The following GPC5 variants were observed in gnomAD, a reference collection of about 807,000 sequenced individuals.
GPC5 encodes glypican 5.
A neutral mutation model predicts 53.9 loss-of-function variants in GPC5; 47 were observed. The ratio of observed to expected loss-of-function variants is 0.87; its 90% CI spans 0.69 to 1.11. GPC5 has a LOEUF of 1.11. Among genes scored for constraint, GPC5 ranks in the 50% most tolerant of loss-of-function variants. The probability of loss-of-function intolerance (pLI) is 0.00; values close to 1 mark genes in which losing one functional copy is unlikely to be tolerated. For synonymous variants in GPC5, 286 were observed against 263.3 expected, an observed-to-expected ratio of 1.09 and a Z score of -0.84; for missense variants, 748 against 713.1, an observed-to-expected ratio of 1.05 and a Z score of -0.56.
At chr13:92,660,218 T>C (rs1349059773) in intron 7 of GPC5, among the ~76,000 whole-genome samples, 2 of 152,220 alleles carry the variant, frequency 1.3e-5, no homozygotes, top group African/African-American at 2.4e-5. Flanking sequence ...GTTTATGTTC[T>C]TGAGTCACGT....
Position 92,125,916 on chromosome 13 carries a change from GTTTTTTGGTTTTTTTTTTTT to G in GPC5, c.1402-18907_1402-18888del, listed in dbSNP as rs2041690807. On this transcript the variant is annotated intron_variant, in intron 6 of 7. Coordinates refer to ENST00000377067, the MANE Select transcript of GPC5 (RefSeq NM_004466.6). ...GATTAGCATTAGAAAGGAAACATTT[GTTTTTTGGTTTTTTTTTTTT>G]TTTTTTTTTTTTTTTTTTTTTTTTT... Among the ~76,000 whole-genome samples, 5 of 31,298 alleles carry G rather than the reference GTTTTTTGGTTTTTTTTTTTT, an allele frequency of 1.6e-4. No individual in the cohort carries two copies. The South Asian group carries it at 7.4e-3, about 46-fold the overall frequency. The allele number at this position is 31,298 out of a possible 152,430, so 20.5% of individuals were successfully genotyped here. A position where few individuals can be genotyped will look rare whatever the true frequency, so the allele number is the denominator to read the frequency against.
intron 7 of GPC5, among the ~76,000 whole-genome samples, chr13:92,275,746 G>C (rs532144612): frequency 4.6e-5 from 7 of 151,942 alleles, no homozygotes; most frequent in African/African-American, 1.7e-4. Flanking sequence ...AGTATTTCTG[G>C]GGCATGTATC....
chr13:92,275,746 G>T (rs532144612), intron 7 of GPC5, among the ~76,000 whole-genome samples: 2 of 152,060 alleles, frequency 1.3e-5, no homozygotes, highest in African/African-American at 4.8e-5. Context: ...AGTATTTCTG[G>T]GGCATGTATC....
rs533584848 is a variant in GPC5, at chr13:92,335,449, G to A, written c.1561+190460G>A. ...TAGGACTATGGTGGAAGGGGCTTCC[G>A]TGAAGGCCTCTGACATGGCCTGCAG... On this transcript the variant is annotated intron_variant, in intron 7 of 7. Coordinates refer to ENST00000377067, the MANE Select transcript of GPC5 (RefSeq NM_004466.6). 9.9e-5 allele frequency among the ~76,000 whole-genome samples: 15 copies of A among 152,240 alleles called. No homozygotes were observed. The South Asian group carries it at 2.1e-3, about 21-fold the overall frequency.
chr13:91,768,225 C>T (rs2037559978), intron 5 of GPC5, among the ~76,000 whole-genome samples: 1 of 152,086 alleles, frequency 6.6e-6, no homozygotes, highest in Admixed American at 6.6e-5. Flanking sequence ...ACAGTGTAGT[C>T]TAATTGAATT....
chr13:92,008,106 A>G (rs1594720620), intron 6 of GPC5, among the ~76,000 whole-genome samples: 2 of 132,096 alleles, frequency 1.5e-5, no homozygotes, highest in South Asian at 4.9e-4. Context: ...TCTGTCGCCC[A>G]GGCTGGAGTG....
At chr13:92,539,652 T>C (rs4528437) in intron 7 of GPC5, among the ~76,000 whole-genome samples, 103,250 of 151,678 alleles carry the variant, frequency 0.68, 36,268 homozygotes, top group African/African-American at 0.82. Flanking sequence ...TTTTTCTTTC[T>C]GTCTCTCTTT....
intron 5 of GPC5, among the ~76,000 whole-genome samples, chr13:91,845,878 A>G (rs2138880776): frequency 1.3e-5 from 2 of 152,264 alleles, no homozygotes; most frequent in South Asian, 4.1e-4. Context: ...TGTTTAAATT[A>G]CCTAAGCTTT....
intron 7 of GPC5, among the ~76,000 whole-genome samples, chr13:92,404,050 C>A (rs1039309777): frequency 1.3e-5 from 2 of 152,072 alleles, no homozygotes; most frequent in East Asian, 3.9e-4. Flanking sequence ...ATTCATTTAA[C>A]TGCATTATGA....
rs756991266 is a variant in GPC5 at position 91,854,766 on chromosome 13, A to T, written c.1281-53171A>T. ...CACTTTTAAAACACTTATTTTTATA[A>T]AACATTTTTGTAAAATGTTTATATT... On this transcript the variant is annotated intron_variant, in intron 5 of 7. Coordinates refer to ENST00000377067, the MANE Select transcript of GPC5 (RefSeq NM_004466.6). Among the ~76,000 whole-genome samples, 4 of 151,854 alleles carry T rather than the reference A, an allele frequency of 2.6e-5. No individual in the cohort carries two copies. In the East Asian group the frequency reaches 7.7e-4, roughly 29 times the overall value.
intron 6 of GPC5, among the ~76,000 whole-genome samples, chr13:92,131,674 G>C (rs2041744660): frequency 6.6e-6 from 1 of 151,890 alleles, no homozygotes; most frequent in Non-Finnish European, 1.5e-5. Flanking sequence ...GTCAGTATAG[G>C]AGTTACCTTT....
At chr13:92,315,043 C>A (rs765901545) in intron 7 of GPC5, among the ~76,000 whole-genome samples, 1 of 152,120 alleles carries the variant, frequency 6.6e-6, no homozygotes, top group Non-Finnish European at 1.5e-5. Flanking sequence ...TCTCAAAGTG[C>A]TGGGATTACA....
chr13:92,483,451 A>G (rs970663496), intron 7 of GPC5, among the ~76,000 whole-genome samples: 1 of 152,200 alleles, frequency 6.6e-6, no homozygotes, highest in African/African-American at 2.4e-5. Context: ...TGTAAAAGAT[A>G]AAAAATAGTA....
chr13:91,693,695 G>A lies in GPC5; in HGVS notation c.834G>A (p.Met278Ile). 2 of 1,614,168 alleles carry A rather than the reference G, an allele frequency of 1.2e-6. No homozygotes were observed. The highest frequency in any genetic ancestry group is 2.2e-5 in the South Asian group (2 of 91,084). ...GTATGGGATACTGCCTCAATGTCAT[G>A]CGAGGCTGCCTGGCGCACATGGCGG... ...KPCMGYCLNV[M>I]RGCLAHMAEL... is the part of the protein sequence containing the mutation. Residue 278 changes from methionine (M) to isoleucine (I), a missense_variant, in exon 3 of 8, where the codon ATG becomes ATA. By Grantham distance (10) the Met-to-Ile change is conservative (BLOSUM62 1). Transcript: ENST00000377067.
chr13:91,459,522 A>C (rs935241666), intron 2 of GPC5, among the ~76,000 whole-genome samples: 1 of 119,416 alleles, frequency 8.4e-6, no homozygotes, highest in Non-Finnish European at 1.7e-5. Context: ...TCAGGGTTGC[A>C]TCAGTGATGT....
intron 7 of GPC5, among the ~76,000 whole-genome samples, chr13:92,155,482 T>C (rs1464698831): frequency 6.6e-6 from 1 of 152,178 alleles, no homozygotes; most frequent in Non-Finnish European, 1.5e-5. Context: ...TATGTAATTT[T>C]AAATATTTTT....
At chr13:92,385,710 C>CATATAT (rs1874658878) in intron 7 of GPC5, among the ~76,000 whole-genome samples, 10 of 132,586 alleles carry the variant, frequency 7.5e-5, no homozygotes, top group African/African-American at 2.2e-4. Context: ...CACATATATA[C>CATATAT]ACATATATAC....
At chr13:91,982,349 A>G (rs1419775032) in intron 6 of GPC5, among the ~76,000 whole-genome samples, 2 of 152,238 alleles carry the variant, frequency 1.3e-5, no homozygotes, top group African/African-American at 2.4e-5. Context: ...ATAGCAAAAG[A>G]CTATTAAAAC....
intron 6 of GPC5, among the ~76,000 whole-genome samples, chr13:92,127,028 T>C (rs1880593705): frequency 6.6e-6 from 1 of 151,940 alleles, no homozygotes; most frequent in Admixed American, 6.6e-5. Context: ...CTGGTCATAT[T>C]TTTTTTTCCT....
Sources: gnomAD v4.1 joint callset for allele counts (sites outside exome capture counted in the v4.1 genomes callset) on GRCh38, gnomAD v4.1.1 for gene constraint, MANE v1.5 for transcripts, NCBI Gene and HGNC (gene_info 2026-07-23, HGNC 2026-07-21) for gene names.